SYNPO2: variants seen among roughly 807,000 people sequenced by gnomAD.
SYNPO2 encodes synaptopodin 2, also known as synaptopodin-2.
In SYNPO2, 56 loss-of-function variants were observed where a neutral mutation model predicts 85.0. The observed-to-expected ratio is 0.66, with a 90% confidence interval of 0.53 to 0.82. The LOEUF is 0.82. Ranked by LOEUF, SYNPO2 falls within the 40% of genes least tolerant of loss-of-function variation. The probability of loss-of-function intolerance (pLI) is 0.00; values close to 1 mark genes in which losing one functional copy is unlikely to be tolerated. For missense variants in SYNPO2, 1,575 were observed against 1,534.2 expected (o/e 1.03, Z -0.44); for synonymous variants, 602 against 591.1 (o/e 1.02, Z -0.27).
intron 1 of SYNPO2, among the ~76,000 whole-genome samples, chr4:118,953,741 C>T (rs914218499): frequency 6.6e-6 from 1 of 152,116 alleles, no homozygotes; most frequent in East Asian, 1.9e-4. Flanking sequence ...TTTTAGATTC[C>T]TAGGAATTAA....
chr4:118,881,559 G>A (rs1316137250), intron 1 of SYNPO2, among the ~76,000 whole-genome samples: 1 of 152,190 alleles, frequency 6.6e-6, no homozygotes, highest in African/African-American at 2.4e-5. Flanking sequence ...TGCCCCGAGG[G>A]GGAGCAAGGC....
chr4:119,058,761 C>CCA lies in SYNPO2; in HGVS notation c.*831_*832dup, dbSNP rs1242095623. ...GTGCTGGGATTACAGGCGTGAGCCACCACACCTGGCCTTTCTGCAACATTT... is the reference window on the plus strand; with the variant it reads ...GTGCTGGGATTACAGGCGTGAGCCACCACACACCTGGCCTTTCTGCAACATTT... On this transcript the variant is annotated 3_prime_UTR_variant, in exon 5 of 5. Coordinates refer to ENST00000307142, the MANE Select transcript of SYNPO2 (RefSeq NM_133477.3). 6.6e-6 allele frequency: 1 copy of CCA among 152,042 alleles called. No homozygotes were observed. Among genetic ancestry groups the CCA allele is most frequent in the African/African-American group, 2.4e-5 (1 of 41,366 alleles). The allele number at this position is 152,042 out of a possible 1,614,324, so 9.4% of individuals were successfully genotyped here.
At chr4:118,994,246 G>A (rs187441139) in intron 1 of SYNPO2, among the ~76,000 whole-genome samples, 30 of 152,336 alleles carry the variant, frequency 2.0e-4, no homozygotes, top group Middle Eastern at 3.4e-3. Flanking sequence ...TGCCATCAGC[G>A]ACAGCTGGAG....
At chr4:118,944,145 A>G (rs1734417143) in intron 1 of SYNPO2, among the ~76,000 whole-genome samples, 1 of 151,996 alleles carries the variant, frequency 6.6e-6, no homozygotes, top group Non-Finnish European at 1.5e-5. Context: ...TACTTTGGCC[A>G]CATAGGCTTA....
chr4:118,977,340 C>T (rs754500039), intron 1 of SYNPO2, among the ~76,000 whole-genome samples: 1 of 152,200 alleles, frequency 6.6e-6, no homozygotes, highest in African/African-American at 2.4e-5. Context: ...CCAGCTGCTC[C>T]GAGTGCGGGG....
At chr4:118,981,909 C>CG (rs1434265209) in intron 1 of SYNPO2, among the ~76,000 whole-genome samples, 3 of 152,014 alleles carry the variant, frequency 2.0e-5, no homozygotes, top group Admixed American at 2.0e-4. Flanking sequence ...CAGGTCTGGA[C>CG]GGAAACCCAG....
chr4:118,867,431 T>C (rs971467852), intron 1 of SYNPO2, among the ~76,000 whole-genome samples: 8 of 151,580 alleles, frequency 5.3e-5, no homozygotes, highest in Admixed American at 1.3e-4. Context: ...TTTACCATTA[T>C]AGAGATAATT....
At position 118,878,917 on chromosome 4, in the gene SYNPO2, C is replaced by T. The variant is rs189536558; in HGVS notation, c.12+27977C>T. ...GTTCTTTCTCTCTCTGCAGTAAATC[C>T]TACTGCTGTTCAGTTTTTGGGTCCG... On this transcript the variant is annotated intron_variant, in intron 1 of 4. Coordinates refer to the SYNPO2 transcript ENST00000610556. Among the ~76,000 whole-genome samples the T allele has an allele frequency of 1.6e-4, 25 of 152,326 alleles. No individual in the cohort carries two copies. In the East Asian group the frequency reaches 2.1e-3, roughly 13 times the overall value.
chr4:118,951,832 T>A (rs1734709995), intron 1 of SYNPO2, among the ~76,000 whole-genome samples: 3 of 152,288 alleles, frequency 2.0e-5, no homozygotes, highest in South Asian at 2.1e-4. Context: ...TAAACTTTTT[T>A]AAGAAGCTAA....
At position 119,027,330 on chromosome 4, in the gene SYNPO2, C is replaced by G; in HGVS notation, c.961C>G (p.Pro321Ala). Residue 321 changes from proline to alanine, a missense_variant, in exon 3 of 5, where the codon CCT (proline) becomes GCT (alanine). This residue lies in a region of SYNPO2 where 1,508 missense variants were observed against 1,446.8 expected (regional missense o/e 1.04). Transcript: ENST00000307142. ...GGAAGGAGGGCAGTCAGAAGCACCT[C>G]CTTCTCTGGTATCCTTTGCCGTCTC... ...PVEGGQSEAP[P>A]SLVSFAVSSE... 1 of 1,614,062 alleles carries G rather than the reference C, an allele frequency of 6.2e-7. No individual in the cohort carries two copies. Among genetic ancestry groups the G allele is most frequent in the Non-Finnish European group, 8.5e-7 (1 of 1,180,030 alleles).
chr4:118,856,241 C>T (rs1452052909), intron 1 of SYNPO2, among the ~76,000 whole-genome samples: 1 of 152,194 alleles, frequency 6.6e-6, no homozygotes, highest in Non-Finnish European at 1.5e-5. Flanking sequence ...AATGAATTAT[C>T]TCTTTAGTTA....
chr4:118,873,630 A>C (rs566645560), intron 1 of SYNPO2, among the ~76,000 whole-genome samples: 6 of 152,010 alleles, frequency 3.9e-5, no homozygotes, highest in Non-Finnish European at 7.4e-5. Context: ...GTTTGGTGAT[A>C]TTTTCTCCCA....
intron 1 of SYNPO2, among the ~76,000 whole-genome samples, chr4:119,015,678 T>C (rs912073856): frequency 6.6e-6 from 1 of 152,194 alleles, no homozygotes; most frequent in African/African-American, 2.4e-5. Flanking sequence ...TTCCTAAAGA[T>C]ATCACGTGTT....
At chr4:118,964,347 A>G (rs4834731) in intron 1 of SYNPO2, among the ~76,000 whole-genome samples, 128,072 of 150,930 alleles carry the variant, frequency 0.85, 54,420 homozygotes, top group Middle Eastern at 0.94. Flanking sequence ...CACACTAGCC[A>G]GGTGTGGTAG....
intron 1 of SYNPO2, among the ~76,000 whole-genome samples, chr4:118,928,484 C>A (rs899537367): frequency 6.6e-6 from 1 of 151,474 alleles, no homozygotes; most frequent in African/African-American, 2.4e-5. Context: ...AAAAAAAAAA[C>A]CAGATGGCAT....
intron 1 of SYNPO2, among the ~76,000 whole-genome samples, chr4:118,881,556 A>AG (rs1436173816): frequency 6.6e-6 from 1 of 152,262 alleles, no homozygotes; most frequent in Admixed American, 6.5e-5. Context: ...TTATGCCCCG[A>AG]GGGGGAGCAA....
At chr4:118,957,341 C>G (rs1734916147) in intron 1 of SYNPO2, among the ~76,000 whole-genome samples, 1 of 152,178 alleles carries the variant, frequency 6.6e-6, no homozygotes, top group South Asian at 2.1e-4. Context: ...CCCACCCATG[C>G]AATTGGGGGC....
At position 119,038,456 on chromosome 4, in the gene SYNPO2, G is replaced by T. The variant is rs188279727; in HGVS notation, c.3252+6429G>T. ...TATTTCAGAATGAATAGTGTTGTTC[G>T]TTGGCTGGGAATGGGGAAGAATGTG... On this transcript the variant is annotated intron_variant, in intron 4 of 4. Transcript: ENST00000307142. 13 of 985,148 alleles carry T rather than the reference G, an allele frequency of 1.3e-5. No homozygotes were observed. In the East Asian group the frequency reaches 1.1e-3, roughly 86 times the overall value. The allele number at this position is 985,148 out of a possible 1,614,324, so 61.0% of individuals were successfully genotyped here. A position where few individuals can be genotyped will look rare whatever the true frequency, so the allele number is the denominator to read the frequency against.
chr4:118,930,843 G>A (rs1221403160), intron 1 of SYNPO2, among the ~76,000 whole-genome samples: 3 of 151,228 alleles, frequency 2.0e-5, no homozygotes, highest in South Asian at 2.1e-4. Flanking sequence ...ACTTGAGCCC[G>A]GAAGGTTGAG....
Sources: gnomAD v4.1 joint callset for allele counts (sites outside exome capture counted in the v4.1 genomes callset) on GRCh38, gnomAD v4.1.1 for gene constraint, gnomAD v4.1.1 regional missense constraint, MANE v1.5 for transcripts, NCBI Gene and HGNC (gene_info 2026-07-23, HGNC 2026-07-21) for gene names.